PPARD: variants seen among roughly 807,000 people sequenced by gnomAD.
The protein encoded by PPARD is peroxisome proliferator activated receptor delta.
Under a neutral mutation model 39.5 loss-of-function variants are expected in PPARD, and 6 were observed. That is an observed-to-expected ratio of 0.15 (90% CI 0.08 to 0.30). PPARD has a LOEUF of 0.30. Among genes scored for constraint, PPARD ranks in the 10% least tolerant of loss-of-function variants. PPARD has a pLI of 1.00. For synonymous variants in PPARD, 210 were observed against 231.3 expected, an observed-to-expected ratio of 0.91 and a Z score of 0.83; for missense variants, 397 against 596.8, an observed-to-expected ratio of 0.67 and a Z score of 3.49.
At chr6:35,419,391 T>C (rs1442275478) in intron 3 of PPARD, among the ~76,000 whole-genome samples, 1 of 152,196 alleles carries the variant, frequency 6.6e-6, no homozygotes, top group African/African-American at 2.4e-5. Context: ...ACAGCAGATA[T>C]ATCCTGAAGT....
rs1163099128 is a variant in PPARD, at chr6:35,342,647, G to C, written c.-220G>C. Reference sequence around the variant, plus strand: ...CGGGAGAATTCTGCGGAGCCTGCGGGACGGCGGCGGTGGCGCCGTAGGCAG... The same window carrying C: ...CGGGAGAATTCTGCGGAGCCTGCGGCACGGCGGCGGTGGCGCCGTAGGCAG... On this transcript the variant is annotated 5_prime_UTR_variant, in exon 1 of 8. Transcript: ENST00000360694. 1.3e-5 allele frequency: 2 copies of C among 152,906 alleles called. No homozygotes were observed. The highest frequency in any genetic ancestry group is 4.8e-5 in the African/African-American group (2 of 41,482). The allele number at this position is 152,906 out of a possible 1,614,324, so 9.5% of individuals were successfully genotyped here.
chr6:35,392,613 G>A lies in PPARD; in HGVS notation c.-101-18374G>A, dbSNP rs374245315. Among the ~76,000 whole-genome samples, 80 of 152,296 alleles carry A rather than the reference G, an allele frequency of 5.3e-4. 1 individual carries two copies. The highest frequency in any genetic ancestry group is 1.9e-3 in the African/African-American group (78 of 41,572). ...CAGGAAGCATTAATGGGGGAAAGGTGTGCCAAGCCTTGCCAAGCAGGTCAT... is the reference window on the plus strand; with the variant it reads ...CAGGAAGCATTAATGGGGGAAAGGTATGCCAAGCCTTGCCAAGCAGGTCAT... On this transcript the variant is annotated intron_variant, in intron 2 of 7. Coordinates refer to ENST00000360694, the MANE Select transcript of PPARD (RefSeq NM_006238.5).
chr6:35,360,104 C>T (rs1192070826), intron 2 of PPARD, among the ~76,000 whole-genome samples: 1 of 152,116 alleles, frequency 6.6e-6, no homozygotes, highest in Admixed American at 6.6e-5. Context: ...AGTCTCATTC[C>T]AGGTCAGTGG....
At chr6:35,392,232 G>A (rs7758125) in intron 2 of PPARD, among the ~76,000 whole-genome samples, 3,830 of 151,272 alleles carry the variant, frequency 0.025, 114 homozygotes, top group African/African-American at 0.073. Flanking sequence ...AACGCAGCAC[G>A]GAAGTATTTA....
intron 2 of PPARD, among the ~76,000 whole-genome samples, chr6:35,368,660 G>C (rs1362975254): frequency 6.6e-6 from 1 of 152,192 alleles, no homozygotes; most frequent in Non-Finnish European, 1.5e-5. Flanking sequence ...ACTGATCAGA[G>C]GAGGCCACAT....
Position 35,414,418 on chromosome 6 carries a change from G to C in PPARD, c.130+3201G>C, listed in dbSNP as rs758199525. Among the ~76,000 whole-genome samples the C allele has an allele frequency of 4.9e-4, 74 of 152,162 alleles. 2 individuals are homozygous for C. The highest frequency in any genetic ancestry group is 1.6e-4 in the Non-Finnish European group (11 of 68,028). On this transcript the variant is annotated intron_variant, in intron 3 of 7. Transcript: ENST00000360694. The stretch of plus-strand genomic sequence containing the variant: ...TACTTCCATAATTTGAAAGGCAACT[G>C]TACTTTTTTTAAGGGTAAAATTAAC...
chr6:35,376,597 C>T (rs73411781), intron 2 of PPARD, among the ~76,000 whole-genome samples: 4,346 of 152,148 alleles, frequency 0.029, 83 homozygotes, highest in Middle Eastern at 0.054. Context: ...TTGCCTCTGG[C>T]GGGGCCATGA....
intron 2 of PPARD, among the ~76,000 whole-genome samples, chr6:35,398,963 A>C (rs957148570): frequency 1.3e-5 from 2 of 151,910 alleles, no homozygotes; most frequent in Non-Finnish European, 2.9e-5. Flanking sequence ...AAAAATATAA[A>C]AATTAGCCGG....
intron 4 of PPARD, among the ~76,000 whole-genome samples, chr6:35,421,298 A>T (rs1167754549): frequency 1.7e-5 from 2 of 115,724 alleles, no homozygotes; most frequent in Non-Finnish European, 3.4e-5. Flanking sequence ...TTAGACATTT[A>T]AAATAGTTGT....
chr6:35,350,427 A>G (rs571127636), intron 2 of PPARD, among the ~76,000 whole-genome samples: 59 of 152,132 alleles, frequency 3.9e-4, no homozygotes, highest in African/African-American at 1.4e-3. Context: ...GTTTTTGTGG[A>G]TGGCAAGAGG....
chr6:35,363,132 A>C lies in PPARD; in HGVS notation c.-102+15982A>C, dbSNP rs1379234163. ...AAGATGGGGTATTTTGTGGGGAACA[A>C]GCTATGCCTTCCTGTCACTTCTTAC... is the stretch of plus-strand genomic sequence containing the variant. On this transcript the variant is annotated intron_variant, in intron 2 of 7. Coordinates refer to ENST00000360694, the MANE Select transcript of PPARD (RefSeq NM_006238.5). The surrounding 1 kb of genome is among the most constrained non-coding windows in gnomAD (Gnocchi z 4.5). 4.6e-5 allele frequency among the ~76,000 whole-genome samples: 7 copies of C among 152,202 alleles called. No individual in the cohort carries two copies. Among genetic ancestry groups the C allele is most frequent in the African/African-American group, 1.4e-4 (6 of 41,442 alleles).
At position 35,391,894 on chromosome 6, in the gene PPARD, T is replaced by A. The variant is rs142037573; in HGVS notation, c.-101-19093T>A. ...CAGAGCTAGGATTCAAACCCATTTT[T>A]GTCTGGGGACAAAGCCCTGCCCTTG... On this transcript the variant is annotated intron_variant, in intron 2 of 7. Transcript: ENST00000360694. Among the ~76,000 whole-genome samples, 149 of 151,570 alleles carry A rather than the reference T, an allele frequency of 9.8e-4. 1 individual carries two copies. The highest frequency in any genetic ancestry group is 3.5e-3 in the African/African-American group (144 of 41,336).
At chr6:35,360,959 C>T (rs1761896657) in intron 2 of PPARD, among the ~76,000 whole-genome samples, 1 of 152,192 alleles carries the variant, frequency 6.6e-6, no homozygotes, top group African/African-American at 2.4e-5. Context: ...GCTGGCTCCT[C>T]CTCAGGCCAG....
At chr6:35,420,079 T>C in intron 3 of PPARD, 48 bp from the exon 4 acceptor site, 1 of 1,593,238 alleles carries the variant, frequency 6.3e-7, no homozygotes, top group Non-Finnish European at 8.5e-7. Context: ...CGCCCTGGCT[T>C]CCAGGCCTGG....
At position 35,424,691 on chromosome 6, in the gene PPARD, T is replaced by G. The variant is rs201614080; in HGVS notation, c.990T>G (p.Pro330=). The change falls in exon 7 of 8, where the codon CCT becomes CCG. Residue 330 remains proline (P), a synonymous_variant. Transcript: ENST00000360694. This position sits in a 1 kb window ranked among gnomAD's most constrained non-coding sequence, Gnocchi z 7.1. Reference sequence around the variant, plus strand: ...AACCCTTCAGTGATATCATTGAGCCTAAGTTTGAATTTGCTGTCAAGTTCA... The same window carrying G: ...AACCCTTCAGTGATATCATTGAGCCGAAGTTTGAATTTGCTGTCAAGTTCA... The part of the protein sequence containing the change: ...LRKPFSDIIE[P]KFEFAVKFNA... 1 of 1,614,236 alleles carries G rather than the reference T, an allele frequency of 6.2e-7. No individual in the cohort carries two copies. The highest frequency in any genetic ancestry group is 1.7e-5 in the Admixed American group (1 of 60,022).
At chr6:35,352,388 AT>A (rs1324554764) in intron 2 of PPARD, among the ~76,000 whole-genome samples, 3 of 151,190 alleles carry the variant, frequency 2.0e-5, no homozygotes, top group Non-Finnish European at 4.4e-5. Flanking sequence ...GTTTCACCAT[AT>A]TGGTCAGGCC....
chr6:35,417,451 A>ATT (rs1176557824), intron 3 of PPARD, among the ~76,000 whole-genome samples: 7 of 140,034 alleles, frequency 5.0e-5, no homozygotes, highest in African/African-American at 1.8e-4. Flanking sequence ...ACACCCAACT[A>ATT]TTTTTTTTTT....
chr6:35,377,233 A>G (rs111831578), intron 2 of PPARD, among the ~76,000 whole-genome samples: 30 of 151,990 alleles, frequency 2.0e-4, no homozygotes, highest in African/African-American at 7.0e-4. Context: ...CTCACTGTTT[A>G]TGTTTCAATT....
intron 2 of PPARD, among the ~76,000 whole-genome samples, chr6:35,391,926 T>A (rs113294284): frequency 6.6e-6 from 1 of 151,964 alleles, no homozygotes; most frequent in Non-Finnish European, 1.5e-5. Context: ...CTTGTCCTTA[T>A]GCCAAGCTGC....
Sources: allele counts gnomAD v4.1 joint callset (sites outside exome capture counted in the v4.1 genomes callset), GRCh38; gene constraint gnomAD v4.1.1; non-coding constraint Gnocchi (gnomAD v3.1); transcripts MANE v1.5; gene names NCBI Gene and HGNC (gene_info 2026-07-23, HGNC 2026-07-21).